Variants in SHANK2 observed in about 807,000 individuals in gnomAD.
The protein encoded by SHANK2 is SH3 and multiple ankyrin repeat domains protein 2.
Under a neutral mutation model 133.7 loss-of-function variants are expected in SHANK2, and 43 were observed. The ratio of observed to expected loss-of-function variants is 0.32; its 90% confidence interval spans 0.25 to 0.41. The LOEUF (loss-of-function observed/expected upper bound fraction) is 0.41, where lower values mean the gene tolerates loss of function less well. SHANK2 is among the 10% of genes least tolerant of loss of function. SHANK2 has a pLI of 1.00. For missense variants in SHANK2, 1,994 were observed against 2,235.8 expected (o/e 0.89, Z 2.18); for synonymous variants, 1,017 against 952.8 (o/e 1.07, Z -1.24).
rs1491563939 is a variant in SHANK2 at position 71,210,210 on chromosome 11, G to GTGTATATATATGTATATATATATA, written c.-13+14486_-13+14487insTATATATATATACATATATATACA. ...GGTCCTCTTCATTGGAAATCCACAG[G>GTGTATATATATGTATATATATATA]TATATATATATATATATATATATAT... On this transcript the variant is annotated intron_variant, in intron 2 of 25. Coordinates refer to ENST00000601538, the MANE Select transcript of SHANK2 (RefSeq NM_012309.5). 8.0e-4 allele frequency among the ~76,000 whole-genome samples: 43 copies of GTGTATATATATGTATATATATATA among 54,062 alleles called. 2 individuals carry two copies. The highest frequency in any genetic ancestry group is 3.2e-3 in the East Asian group (3 of 942). The allele number at this position is 54,062 out of a possible 152,430, so 35.5% of individuals were successfully genotyped here. A position where few individuals can be genotyped will look rare whatever the true frequency, so the allele number is the denominator to read the frequency against.
intron 25 of SHANK2, among the ~76,000 whole-genome samples, chr11:70,480,743 C>T (rs782581188): frequency 2.0e-5 from 3 of 152,186 alleles, no homozygotes; most frequent in Non-Finnish European, 4.4e-5. Flanking sequence ...GTGTATTCCT[C>T]GTTACTCTCT....
At chr11:70,674,070 C>T (rs561093986) in intron 15 of SHANK2, among the ~76,000 whole-genome samples, 3 of 152,190 alleles carry the variant, frequency 2.0e-5, no homozygotes, top group Non-Finnish European at 4.4e-5. Context: ...CTAGTTCCCA[C>T]AAGATCTGAT....
rs2135657637 is a variant in SHANK2, at chr11:70,472,273, G to A, written c.*596C>T. Reference sequence around the variant, plus strand: ...GATGCAAACCACAGGAGGAGATGGGGAAAAGAATCTGTGTAGGAAAAAGTT... The same window carrying A: ...GATGCAAACCACAGGAGGAGATGGGAAAAAGAATCTGTGTAGGAAAAAGTT... On this transcript the variant is annotated 3_prime_UTR_variant, in exon 26 of 26. Coordinates refer to ENST00000601538, the MANE Select transcript of SHANK2 (RefSeq NM_012309.5). This position sits in a 1 kb window ranked among gnomAD's most constrained non-coding sequence, Gnocchi z 4.4. The A allele has an allele frequency of 6.4e-6, 1 of 155,550 alleles. No individual in the cohort carries two copies. Among genetic ancestry groups the A allele is most frequent in the African/African-American group, 2.4e-5 (1 of 41,600 alleles). 9.6% of individuals were successfully genotyped at this position (155,550 alleles called of 1,614,324 possible).
chr11:70,582,285 G>T (rs945439251), intron 17 of SHANK2, among the ~76,000 whole-genome samples: 4 of 152,226 alleles, frequency 2.6e-5, no homozygotes, highest in Non-Finnish European at 5.9e-5. Context: ...CACACATCCG[G>T]GGCCTCCAAG....
chr11:70,903,628 G>T (rs1266144826), intron 10 of SHANK2, among the ~76,000 whole-genome samples: 7 of 152,046 alleles, frequency 4.6e-5, no homozygotes, highest in African/African-American at 1.7e-4. Flanking sequence ...GTCCACGAGG[G>T]GCTGGGGTCC....
intron 9 of SHANK2, among the ~76,000 whole-genome samples, chr11:71,069,261 TCAC>T (rs1406427725): frequency 7.9e-5 from 12 of 150,956 alleles, no homozygotes; most frequent in Admixed American, 3.3e-4. Context: ...ACTGTCACCA[TCAC>T]CACCACCACC....
chr11:70,597,904 T>A (rs1480455965), intron 17 of SHANK2, among the ~76,000 whole-genome samples: 1 of 151,728 alleles, frequency 6.6e-6, no homozygotes, highest in Non-Finnish European at 1.5e-5. Context: ...AACACCAGAG[T>A]GGCAGGATCC....
chr11:70,472,575 A>G lies in SHANK2; in HGVS notation c.*294T>C, dbSNP rs1432921016. The G allele has an allele frequency of 2.2e-6, 1 of 458,010 alleles. No individual in the cohort carries two copies. The highest frequency in any genetic ancestry group is 4.0e-6 in the Non-Finnish European group (1 of 248,316). The allele number at this position is 458,010 out of a possible 1,614,324, so 28.4% of individuals were successfully genotyped here. On this transcript the variant is annotated 3_prime_UTR_variant, in exon 26 of 26. Transcript: ENST00000601538. The surrounding 1 kb of genome is among the most constrained non-coding windows in gnomAD (Gnocchi z 4.4). ...GACGGGGAGCCTCTCGGACCCGGCA[A>G]AGCGAGGCCACCTGCATGCTGGGCG...
chr11:70,902,425 G>A (rs1284798378), intron 10 of SHANK2, among the ~76,000 whole-genome samples: 2 of 152,232 alleles, frequency 1.3e-5, no homozygotes, highest in African/African-American at 2.4e-5. Context: ...GTGCGGCCGA[G>A]GTCCCAGCCC....
chr11:70,495,154 C>T (rs2058951262), intron 21 of SHANK2, among the ~76,000 whole-genome samples: 1 of 152,250 alleles, frequency 6.6e-6, no homozygotes, highest in African/African-American at 2.4e-5. Context: ...GCTCCTCCGG[C>T]TGCAGCAGGT....
chr11:70,924,826 G>C (rs1950404653), intron 10 of SHANK2, among the ~76,000 whole-genome samples: 1 of 152,192 alleles, frequency 6.6e-6, no homozygotes, highest in Non-Finnish European at 1.5e-5. Flanking sequence ...CCTTATAAGA[G>C]AAATGGGGCT....
intron 14 of SHANK2, among the ~76,000 whole-genome samples, chr11:70,710,325 C>T (rs1229045443): frequency 6.6e-6 from 1 of 152,214 alleles, no homozygotes; most frequent in East Asian, 1.9e-4. Flanking sequence ...CTGCACACAA[C>T]CTTTGACCTG....
intron 14 of SHANK2, among the ~76,000 whole-genome samples, chr11:70,716,895 G>GCCCCCCCCCCCCCCCCACCCGACCCC (rs60827522): frequency 7.2e-6 from 1 of 138,394 alleles, no homozygotes; most frequent in Admixed American, 7.0e-5. Flanking sequence ...GGGTCCCGGA[G>GCCCCCCCCCCCCCCCCACCCGACCCC]CCCCCCCCCC....
intron 12 of SHANK2, among the ~76,000 whole-genome samples, chr11:70,817,527 C>T (rs1461066538): frequency 6.6e-6 from 1 of 152,204 alleles, no homozygotes; most frequent in East Asian, 1.9e-4. Flanking sequence ...GAAAGTCCCA[C>T]ATCACAGGCA....
chr11:70,863,153 A>AGGG, intron 11 of SHANK2: 1 of 360,344 alleles, frequency 2.8e-6, no homozygotes, highest in South Asian at 2.0e-5. Context: ...CAAATCTCAA[A>AGGG]AATAATTTGT....
At chr11:71,071,952 C>G (rs1951148506) in intron 9 of SHANK2, among the ~76,000 whole-genome samples, 1 of 152,208 alleles carries the variant, frequency 6.6e-6, no homozygotes, top group South Asian at 2.1e-4. Flanking sequence ...TCTGTTCCTC[C>G]AGGATAAAGA....
In SHANK2 at chr11:70,470,601, T is replaced by C. The variant is rs967509366; in HGVS notation, c.*2268A>G. 2 of 152,622 alleles carry C rather than the reference T, an allele frequency of 1.3e-5. No individual in the cohort carries two copies. The highest frequency in any genetic ancestry group is 2.9e-5 in the Non-Finnish European group (2 of 68,034). 9.5% of individuals were successfully genotyped at this position (152,622 alleles called of 1,614,324 possible). ...CAAATTAATGGCCAAACCACCATTTTTACATTTTCTAAAATATGGGGCAGC... is the reference window on the plus strand; with the variant it reads ...CAAATTAATGGCCAAACCACCATTTCTACATTTTCTAAAATATGGGGCAGC... On this transcript the variant is annotated 3_prime_UTR_variant, in exon 26 of 26. Coordinates refer to ENST00000601538, the MANE Select transcript of SHANK2 (RefSeq NM_012309.5).
intron 14 of SHANK2, among the ~76,000 whole-genome samples, chr11:70,729,116 A>C (rs570476366): frequency 2.0e-5 from 3 of 151,922 alleles, no homozygotes; most frequent in Non-Finnish European, 4.4e-5. Flanking sequence ...AGGCAGGAGA[A>C]TCACTTGGAC....
At chr11:70,954,860 C>T (rs1950895365) in intron 10 of SHANK2, among the ~76,000 whole-genome samples, 1 of 152,246 alleles carries the variant, frequency 6.6e-6, no homozygotes, top group Admixed American at 6.5e-5. Flanking sequence ...GTCTGGCATG[C>T]AGCAGCCTAT....
Sources: allele counts gnomAD v4.1 joint callset (sites outside exome capture counted in the v4.1 genomes callset), GRCh38; gene constraint gnomAD v4.1.1; non-coding constraint Gnocchi (gnomAD v3.1); transcripts MANE v1.5; gene names NCBI Gene and HGNC (gene_info 2026-07-23, HGNC 2026-07-21).